The following MSRB2 variants were observed in gnomAD, a reference collection of about 807,000 sequenced individuals.
MSRB2 encodes the protein methionine-R-sulfoxide reductase B2, mitochondrial.
A neutral mutation model predicts 19.0 loss-of-function variants in MSRB2; 17 were observed. The ratio of observed to expected loss-of-function variants is 0.89; its 90% CI spans 0.61 to 1.34. MSRB2 has a LOEUF of 1.34. Among genes scored for constraint, MSRB2 ranks in the 40% most tolerant of loss-of-function variants. The probability of loss-of-function intolerance (pLI) is 0.00; values close to 1 mark genes in which losing one functional copy is unlikely to be tolerated. For missense variants in MSRB2, 208 were observed against 237.6 expected (o/e 0.88, Z 0.82); for synonymous variants, 107 against 99.7 (o/e 1.07, Z -0.44).
At position 23,119,099 on chromosome 10, in the gene MSRB2, C is replaced by T. The variant is rs777077838; in HGVS notation, c.297-205C>T. On this transcript the variant is annotated intron_variant, in intron 3 of 4. Coordinates refer to ENST00000376510, the MANE Select transcript of MSRB2 (RefSeq NM_012228.4). ...TTTAGCATCAAAGGATCAAGAAGTC[C>T]TTCCACTTCGAGAGGCAATGGCTTC... The T allele has an allele frequency of 6.3e-5, 43 of 684,892 alleles. No homozygotes were observed. The African/African-American group carries it at 7.4e-4, about 12-fold the overall frequency. 42.4% of individuals were successfully genotyped at this position (684,892 alleles called of 1,614,324 possible). A position where few individuals can be genotyped will look rare whatever the true frequency, so the allele number is the denominator to read the frequency against.
rs568858448 is a variant in MSRB2, at chr10:23,121,699, A to G, written c.*837A>G. ...ACCTTCCACTGCGTTTCAGTCCTTG[A>G]CAGACATAAGTAAGGGATCAAGTGA... On this transcript the variant is annotated 3_prime_UTR_variant, in exon 5 of 5. Coordinates refer to ENST00000376510, the MANE Select transcript of MSRB2 (RefSeq NM_012228.4). 4 of 152,388 alleles carry G rather than the reference A, an allele frequency of 2.6e-5. No individual in the cohort carries two copies. Among genetic ancestry groups the G allele is most frequent in the African/African-American group, 9.6e-5 (4 of 41,576 alleles). 9.4% of individuals were successfully genotyped at this position (152,388 alleles called of 1,614,324 possible). A position where few individuals can be genotyped will look rare whatever the true frequency, so the allele number is the denominator to read the frequency against.
Position 23,119,438 on chromosome 10 carries a change from T to C in MSRB2, c.431T>C (p.Val144Ala), listed in dbSNP as rs1260006890. 1.9e-6 allele frequency: 3 copies of C among 1,613,078 alleles called. No individual in the cohort carries two copies. Among genetic ancestry groups the C allele is most frequent in the Middle Eastern group, 1.7e-4 (1 of 6,034 alleles). ...DTSLGSARTE[V>A]VCKQCEAHLG... ...TCGTTAGGATCAGCTCGCACAGAGG[T>C]TGTCTGCAAGCAGGTGAGGTTTCTC... The change falls in exon 4 of 5, where the codon GTT becomes GCT. Residue 144 changes from valine (V) to alanine (A), a missense_variant. Physicochemically the swap from Val to Ala is moderately conservative, Grantham distance 64. Coordinates refer to ENST00000376510, the MANE Select transcript of MSRB2 (RefSeq NM_012228.4).
chr10:23,097,269 A>G (rs1839878972), intron 1 of MSRB2, among the ~76,000 whole-genome samples: 1 of 152,220 alleles, frequency 6.6e-6, no homozygotes, highest in Admixed American at 6.5e-5. Flanking sequence ...GCAGATTTTG[A>G]GTCTTGGCTC....
At chr10:23,104,485 C>A (rs1233918524) in intron 2 of MSRB2, among the ~76,000 whole-genome samples, 1 of 152,142 alleles carries the variant, frequency 6.6e-6, no homozygotes, top group African/African-American at 2.4e-5. Flanking sequence ...CACTTCCATG[C>A]ACCGCTGTCA....
intron 2 of MSRB2, among the ~76,000 whole-genome samples, chr10:23,106,818 C>G (rs1241491188): frequency 6.6e-6 from 1 of 152,196 alleles, no homozygotes; most frequent in Non-Finnish European, 1.5e-5. Context: ...TTGTGGATTT[C>G]CATTGGCCCC....
intron 1 of MSRB2, among the ~76,000 whole-genome samples, chr10:23,102,398 G>T (rs947457777): frequency 2.7e-5 from 4 of 150,672 alleles, no homozygotes; most frequent in Admixed American, 2.0e-4. Context: ...TATAGCTCTT[G>T]TTTTTTTTTC....
intron 3 of MSRB2, among the ~76,000 whole-genome samples, chr10:23,118,337 G>GTTTTTTTTTTT (rs35011086): frequency 6.5e-5 from 6 of 92,156 alleles, no homozygotes; most frequent in Admixed American, 1.3e-4. Flanking sequence ...TTAGTTTTTT[G>GTTTTTTTTTTT]TTTTTTTTTT....
At position 23,119,368 on chromosome 10, in the gene MSRB2, G is replaced by C. The variant is rs771438695; in HGVS notation, c.361G>C (p.Gly121Arg). The change falls in exon 4 of 5, where the codon GGC (glycine) becomes CGC (arginine). Residue 121 changes from glycine (G) to arginine (R), a missense_variant. Physicochemically the swap from Gly to Arg is moderately radical, Grantham distance 125 (BLOSUM62 -2). Transcript: ENST00000376510. The part of the protein sequence containing the change: ...PSFSEAHGTS[G>R]SDESHTGILR... ...GTTTTCCGAGGCTCATGGTACGTCTGGCTCTGATGAAAGCCACACAGGGAT... is the reference window on the plus strand; with the variant it reads ...GTTTTCCGAGGCTCATGGTACGTCTCGCTCTGATGAAAGCCACACAGGGAT... The C allele has an allele frequency of 3.1e-6, 5 of 1,614,126 alleles. No homozygotes were observed. In the South Asian group the frequency reaches 5.5e-5, roughly 18 times the overall value.
chr10:23,105,433 C>T (rs1839978186), intron 2 of MSRB2, among the ~76,000 whole-genome samples: 1 of 152,080 alleles, frequency 6.6e-6, no homozygotes, highest in Non-Finnish European at 1.5e-5. Context: ...TTAAGCCACT[C>T]CTCTTCATCC....
chr10:23,097,531 T>C (rs1177740683), intron 1 of MSRB2, among the ~76,000 whole-genome samples: 1 of 152,172 alleles, frequency 6.6e-6, no homozygotes, highest in African/African-American at 2.4e-5. Context: ...TGATCTAATC[T>C]AAAACTAATA....
At position 23,117,583 on chromosome 10, in the gene MSRB2, AT is replaced by A. The variant is rs550930322; in HGVS notation, c.297-1719del. 5.0e-3 allele frequency among the ~76,000 whole-genome samples: 759 copies of A among 152,310 alleles called. 3 individuals carry two copies. The highest frequency in any genetic ancestry group is 7.6e-3 in the Non-Finnish European group (519 of 68,024). The stretch of plus-strand genomic sequence containing the variant: ...CAGGTTGAGCATCTCTACTCTGAAA[AT>A]TCGAAATCTGAAATGCACCCAAATC... On this transcript the variant is annotated intron_variant, in intron 3 of 4. Coordinates refer to ENST00000376510, the MANE Select transcript of MSRB2 (RefSeq NM_012228.4).
At position 23,110,302 on chromosome 10, in the gene MSRB2, G is replaced by A. The variant is rs754558586; in HGVS notation, c.280G>A (p.Asp94Asn). Residue 94 changes from aspartate to asparagine, a missense_variant, in exon 3 of 5, where the codon GAC becomes AAC. Asp to Asn is a conservative substitution (Grantham distance 23). Transcript: ENST00000376510. ...AGGAATGTATCATTGCGTGTGCTGC[G>A]ACAGTCCACTCTTCAGGTAAGATAA... The part of the protein sequence containing the change: ...EAGMYHCVCC[D>N]SPLFSSEKKY... 7.4e-6 allele frequency: 12 copies of A among 1,613,630 alleles called. No homozygotes were observed. Among genetic ancestry groups the A allele is most frequent in the Middle Eastern group, 1.6e-4 (1 of 6,084 alleles).
At chr10:23,105,681 G>A (rs1330105213) in intron 2 of MSRB2, among the ~76,000 whole-genome samples, 4 of 152,212 alleles carry the variant, frequency 2.6e-5, no homozygotes, top group Admixed American at 6.5e-5. Flanking sequence ...ATCCCACAGA[G>A]TGGACCCCAG....
At chr10:23,109,436 G>C (rs143463341) in intron 2 of MSRB2, among the ~76,000 whole-genome samples, 1 of 151,926 alleles carries the variant, frequency 6.6e-6, no homozygotes, top group Non-Finnish European at 1.5e-5. Context: ...CCAGCTATTC[G>C]GGAGGCTGAG....
chr10:23,116,925 C>G (rs559804907), intron 3 of MSRB2, among the ~76,000 whole-genome samples: 1 of 152,094 alleles, frequency 6.6e-6, no homozygotes, highest in Non-Finnish European at 1.5e-5. Flanking sequence ...GTCTTATGAT[C>G]TCTATTTAAA....
intron 4 of MSRB2, 131 bp downstream of exon 4, chr10:23,119,582 C>T: frequency 8.7e-7 from 1 of 1,147,500 alleles, no homozygotes; most frequent in Non-Finnish European, 1.2e-6. Flanking sequence ...CATGGGGTTT[C>T]TTTTTTGTTT....
chr10:23,117,896 G>A lies in MSRB2; in HGVS notation c.297-1408G>A, dbSNP rs1175774173. The stretch of plus-strand genomic sequence containing the variant: ...GTGGGCCACCACGCCAGCAAAATTC[G>A]AAACTTTTTGAGAACCAACATGCTA... On this transcript the variant is annotated intron_variant, in intron 3 of 4. Transcript: ENST00000376510. Among the ~76,000 whole-genome samples the A allele has an allele frequency of 2.6e-5, 4 of 152,158 alleles. No homozygotes were observed. The East Asian group carries it at 5.8e-4, about 22-fold the overall frequency.
At position 23,110,431 on chromosome 10, in the gene MSRB2, T is replaced by C; in HGVS notation, c.296+113T>C. 6.3e-6 allele frequency: 5 copies of C among 796,398 alleles called. 1 individual carries two copies. Among genetic ancestry groups the C allele is most frequent in the Non-Finnish European group, 1.0e-5 (5 of 488,824 alleles). 49.3% of individuals were successfully genotyped at this position (796,398 alleles called of 1,614,324 possible). ...TACCCATAATACCCATTTTGTTTTT[T>C]AAATTGCTCTTCTCATTTTGCATTG... is the stretch of plus-strand genomic sequence containing the variant. On this transcript the variant is annotated intron_variant, in intron 3 of 4. Coordinates refer to ENST00000376510, the MANE Select transcript of MSRB2 (RefSeq NM_012228.4).
chr10:23,120,064 C>T (rs990364692), intron 4 of MSRB2, among the ~76,000 whole-genome samples: 3 of 152,196 alleles, frequency 2.0e-5, no homozygotes, highest in African/African-American at 7.2e-5. Context: ...TTCTTTTGAG[C>T]AGGGATAAGG....
Sources: allele counts gnomAD v4.1 joint callset (sites outside exome capture counted in the v4.1 genomes callset), GRCh38; gene constraint gnomAD v4.1.1; transcripts MANE v1.5; gene names NCBI Gene and HGNC (gene_info 2026-07-23, HGNC 2026-07-21).